Variants in IQCM observed in about 807,000 individuals in gnomAD.
IQCM encodes IQ domain-containing protein M.
In IQCM, 45 loss-of-function variants were observed where a neutral mutation model predicts 57.6. The observed-to-expected ratio is 0.78, with a 90% CI of 0.62 to 1.00. The LOEUF (loss-of-function observed/expected upper bound fraction) is 1.00, where lower values mean the gene tolerates loss of function less well. Ranked by LOEUF, IQCM falls within the 50% of genes least tolerant of loss-of-function variation. The pLI is 0.00. For synonymous variants in IQCM, 148 were observed against 158.9 expected (o/e 0.93, Z 0.51); for missense variants, 468 against 511.6 (o/e 0.91, Z 0.82).
chr4:149,614,725 T>C (rs944357484), intron 8 of IQCM, among the ~76,000 whole-genome samples: 2 of 152,068 alleles, frequency 1.3e-5, no homozygotes, highest in African/African-American at 4.8e-5. Flanking sequence ...GCTGGTAAGC[T>C]AAAAAGAAAA....
chr4:149,512,346 G>A (rs904473743), intron 12 of IQCM, among the ~76,000 whole-genome samples: 3 of 152,258 alleles, frequency 2.0e-5, no homozygotes, highest in East Asian at 1.9e-4. Context: ...GCACTGACAT[G>A]ATACCATGCC....
intron 5 of IQCM, among the ~76,000 whole-genome samples, chr4:149,699,632 C>T (rs1398754629): frequency 2.2e-5 from 3 of 135,498 alleles, no homozygotes; most frequent in Non-Finnish European, 4.6e-5. Flanking sequence ...TTTCACATAT[C>T]TGTAGAGTCA....
intron 4 of IQCM, among the ~76,000 whole-genome samples, chr4:149,734,891 A>G (rs921224221): frequency 6.6e-6 from 1 of 152,206 alleles, no homozygotes; most frequent in Non-Finnish European, 1.5e-5. Flanking sequence ...CTAGAGATAC[A>G]GCATTCAAAA....
intron 13 of IQCM, among the ~76,000 whole-genome samples, chr4:149,377,000 C>G (rs1730742160): frequency 6.6e-6 from 1 of 151,998 alleles, no homozygotes; most frequent in Admixed American, 6.6e-5. Flanking sequence ...GGTTGTTAGA[C>G]ATATGAATTA....
chr4:149,372,890 T>A (rs561041455), intron 13 of IQCM, among the ~76,000 whole-genome samples: 139 of 152,224 alleles, frequency 9.1e-4, no homozygotes, highest in Non-Finnish European at 1.5e-3. Flanking sequence ...ACATATAATA[T>A]CCACTATACC....
At chr4:149,790,041 C>A (rs549291878) in intron 2 of IQCM, 12 of 447,094 alleles carry the variant, frequency 2.7e-5, no homozygotes, top group African/African-American at 2.4e-4. Context: ...GATGCACATG[C>A]ATTTCTCCTC....
intron 12 of IQCM, among the ~76,000 whole-genome samples, chr4:149,529,143 A>C (rs1411182882): frequency 6.6e-6 from 1 of 152,130 alleles, no homozygotes; most frequent in Non-Finnish European, 1.5e-5. Context: ...AGCTCACTGC[A>C]ACCTCAGCCT....
intron 13 of IQCM, among the ~76,000 whole-genome samples, chr4:149,375,462 A>ACT (rs1730646327): frequency 1.3e-5 from 2 of 152,158 alleles, no homozygotes; most frequent in Non-Finnish European, 2.9e-5. Flanking sequence ...GAGCTGGGTT[A>ACT]GTTTCTACTT....
In IQCM at chr4:149,701,708, A is replaced by G. The variant is rs72957462; in HGVS notation, c.386-15240T>C. Among the ~76,000 whole-genome samples the G allele has an allele frequency of 2.5e-3, 379 of 152,116 alleles. 3 individuals carry two copies. Among genetic ancestry groups the G allele is most frequent in the African/African-American group, 8.6e-3 (356 of 41,526 alleles). On this transcript the variant is annotated intron_variant, in intron 5 of 13. Coordinates refer to ENST00000636793, the MANE Select transcript of IQCM (RefSeq NM_001363507.2). ...ATGTGGGTGCCAAAAAAATCAGCCT[A>G]TATCACTAAAAAAGATACTACAAGA...
At chr4:149,741,355 C>A (rs1025110576) in intron 3 of IQCM, among the ~76,000 whole-genome samples, 1 of 151,926 alleles carries the variant, frequency 6.6e-6, no homozygotes, top group African/African-American at 2.4e-5. Context: ...GCCCAAAAAT[C>A]TTTCTATGTT....
At chr4:149,452,639 A>G (rs371246115) in intron 12 of IQCM, among the ~76,000 whole-genome samples, 1 of 151,788 alleles carries the variant, frequency 6.6e-6, no homozygotes, top group African/African-American at 2.4e-5. Context: ...TAGTGTATAC[A>G]TATTGTGCAT....
chr4:149,712,114 T>C (rs1224809263), intron 5 of IQCM, among the ~76,000 whole-genome samples: 1 of 152,096 alleles, frequency 6.6e-6, no homozygotes, highest in African/African-American at 2.4e-5. Flanking sequence ...GATCAATGTC[T>C]CACATTCCAC....
At chr4:149,532,391 G>C (rs1746838042) in intron 12 of IQCM, among the ~76,000 whole-genome samples, 1 of 151,862 alleles carries the variant, frequency 6.6e-6, no homozygotes, top group South Asian at 2.1e-4. Context: ...GAATCACACA[G>C]AATACTCATG....
chr4:149,783,353 G>T (rs1397971497), intron 2 of IQCM, among the ~76,000 whole-genome samples: 1 of 151,896 alleles, frequency 6.6e-6, no homozygotes, highest in East Asian at 1.9e-4. Context: ...ATTAACAAAC[G>T]CTCTCAAAAT....
intron 12 of IQCM, among the ~76,000 whole-genome samples, chr4:149,445,702 A>G (rs1736431171): frequency 6.6e-6 from 1 of 151,790 alleles, no homozygotes; most frequent in African/African-American, 2.4e-5. Context: ...CAGCCCTTTC[A>G]TAACGGCTAA....
chr4:149,515,037 T>A (rs1459921608), intron 12 of IQCM, among the ~76,000 whole-genome samples: 1 of 150,930 alleles, frequency 6.6e-6, no homozygotes, highest in Non-Finnish European at 1.5e-5. Flanking sequence ...ATTGTGTGAG[T>A]TAATACTGCT....
intron 2 of IQCM, among the ~76,000 whole-genome samples, chr4:149,792,457 A>G (rs1772723488): frequency 6.6e-6 from 1 of 152,174 alleles, no homozygotes. Context: ...TGTTAACTGT[A>G]AAGTATTATA....
chr4:149,766,372 C>T (rs750383676), intron 2 of IQCM, among the ~76,000 whole-genome samples: 13 of 152,100 alleles, frequency 8.5e-5, no homozygotes, highest in Non-Finnish European at 1.5e-4. Flanking sequence ...TTATTGATGC[C>T]TATGGATGCC....
At chr4:149,576,312 C>A (rs1751646103) in intron 9 of IQCM, among the ~76,000 whole-genome samples, 1 of 151,778 alleles carries the variant, frequency 6.6e-6, no homozygotes, top group Admixed American at 6.6e-5. Context: ...CCACTCTCCA[C>A]CCTGAAGTAG....
Sources: gnomAD v4.1 joint callset for allele counts (sites outside exome capture counted in the v4.1 genomes callset) on GRCh38, gnomAD v4.1.1 for gene constraint, MANE v1.5 for transcripts, NCBI Gene and HGNC (gene_info 2026-07-23, HGNC 2026-07-21) for gene names.